Variants in KLHL42 observed in about 807,000 individuals in gnomAD.
The protein encoded by KLHL42 is kelch-like protein 42.
KLHL42 carries 27 observed loss-of-function variants against 32.7 expected under a neutral mutation model. That is an observed-to-expected ratio of 0.83 (90% confidence interval 0.61 to 1.14). The LOEUF is 1.14. Ranked by LOEUF, KLHL42 falls within the 50% of genes most tolerant of loss-of-function variation. The probability of loss-of-function intolerance (pLI) is 0.00; values close to 1 mark genes in which losing one functional copy is unlikely to be tolerated. For missense variants in KLHL42, 491 were observed against 560.8 expected (o/e 0.88, Z 1.26); for synonymous variants, 267 against 248.2 (o/e 1.08, Z -0.71).
chr12:27,782,985 C>A (rs1246284401), intron 1 of KLHL42, among the ~76,000 whole-genome samples: 1 of 151,956 alleles, frequency 6.6e-6, no homozygotes, highest in East Asian at 1.9e-4. Flanking sequence ...ACAGTTAACC[C>A]TTAAACAATG....
chr12:27,782,029 G>A (rs886873871), intron 1 of KLHL42, among the ~76,000 whole-genome samples: 1 of 152,190 alleles, frequency 6.6e-6, no homozygotes, highest in African/African-American at 2.4e-5. Context: ...GTAGCGCCTA[G>A]GAGGCCTCAG....
At chr12:27,784,368 C>T (rs1262024724) in intron 1 of KLHL42, among the ~76,000 whole-genome samples, 4 of 151,282 alleles carry the variant, frequency 2.6e-5, no homozygotes, top group African/African-American at 7.3e-5. Flanking sequence ...GTCTCGATCT[C>T]CTGACCTCGT....
At position 27,801,904 on chromosome 12, in the gene KLHL42, T is replaced by G. The variant is rs1223919515; in HGVS notation, c.*3738T>G. ...ACAGACATAAATAAGTCACGGCCCATGACCTTGAAGAGCTTACGGCCTTAT... is the reference window on the plus strand; with the variant it reads ...ACAGACATAAATAAGTCACGGCCCAGGACCTTGAAGAGCTTACGGCCTTAT... On this transcript the variant is annotated 3_prime_UTR_variant, in exon 3 of 3. Transcript: ENST00000381271. The G allele has an allele frequency of 6.6e-6, 1 of 152,032 alleles. No individual in the cohort carries two copies. The highest frequency in any genetic ancestry group is 1.5e-5 in the Non-Finnish European group (1 of 68,032). The allele number at this position is 152,032 out of a possible 1,614,324, so 9.4% of individuals were successfully genotyped here.
At chr12:27,787,270 G>A (rs550865156) in intron 1 of KLHL42, among the ~76,000 whole-genome samples, 2 of 151,852 alleles carry the variant, frequency 1.3e-5, no homozygotes, top group South Asian at 4.2e-4. Flanking sequence ...TGAGGCAGGC[G>A]GATCACCTGA....
At position 27,801,076 on chromosome 12, in the gene KLHL42, G is replaced by C. The variant is rs2062245277; in HGVS notation, c.*2910G>C. Reference sequence around the variant, plus strand: ...AAGGTTTTCTGATGAATGTGTGAAAGAGTTGATTATTTCAACAGTATTGGT... The same window carrying C: ...AAGGTTTTCTGATGAATGTGTGAAACAGTTGATTATTTCAACAGTATTGGT... On this transcript the variant is annotated 3_prime_UTR_variant, in exon 3 of 3. Transcript: ENST00000381271. 1 of 152,584 alleles carries C rather than the reference G, an allele frequency of 6.6e-6. No individual in the cohort carries two copies. The highest frequency in any genetic ancestry group is 1.5e-5 in the Non-Finnish European group (1 of 68,046). The allele number at this position is 152,584 out of a possible 1,614,324, so 9.5% of individuals were successfully genotyped here.
Position 27,780,925 on chromosome 12 carries a change from C to T in KLHL42, c.595C>T (p.Leu199Phe), listed in dbSNP as rs746975250. 6.2e-7 allele frequency: 1 copy of T among 1,605,766 alleles called. No individual in the cohort carries two copies. Among genetic ancestry groups the T allele is most frequent in the South Asian group, 1.1e-5 (1 of 90,834 alleles). Reference sequence around the variant, plus strand: ...GACTGGGACTCCTGTCCTCGTGGCCCTCGGGGACTTCCTGGGGGGACCCCT... The same window carrying T: ...GACTGGGACTCCTGTCCTCGTGGCCTTCGGGGACTTCCTGGGGGGACCCCT... ...RMTGTPVLVA[L>F]GDFLGGPLAP... Residue 199 changes from leucine to phenylalanine, a missense_variant, in exon 1 of 3, where the codon CTC becomes TTC. Physicochemically the swap from Leu to Phe is conservative, Grantham distance 22 (BLOSUM62 0). Transcript: ENST00000381271. The surrounding 1 kb of genome is among the most constrained non-coding windows in gnomAD (Gnocchi z 8.8).
intron 1 of KLHL42, 147 bp downstream of exon 1, chr12:27,781,349 G>T (rs904407772): frequency 3.0e-6 from 3 of 1,008,892 alleles, no homozygotes; most frequent in African/African-American, 3.3e-5. Flanking sequence ...CCTTGGCGCT[G>T]GCAAAATTCC....
At position 27,800,366 on chromosome 12, in the gene KLHL42, G is replaced by GTGTA; in HGVS notation, c.*2203_*2204insATGT. 1.0e-6 allele frequency: 1 copy of GTGTA among 984,670 alleles called. No homozygotes were observed. Among genetic ancestry groups the GTGTA allele is most frequent in the Non-Finnish European group, 1.2e-6 (1 of 829,874 alleles). 61.0% of individuals were successfully genotyped at this position (984,670 alleles called of 1,614,324 possible). A position where few individuals can be genotyped will look rare whatever the true frequency, so the allele number is the denominator to read the frequency against. ...TGTGTGTGGGGGTGTGTGTGTGTGT[G>GTGTA]TGTGTGTATGTTTGCATATTATAGC... is the stretch of plus-strand genomic sequence containing the variant. On this transcript the variant is annotated 3_prime_UTR_variant, in exon 3 of 3. Transcript: ENST00000381271.
At position 27,801,184 on chromosome 12, in the gene KLHL42, A is replaced by T. The variant is rs2062245788; in HGVS notation, c.*3018A>T. 1.3e-5 allele frequency: 2 copies of T among 150,948 alleles called. No individual in the cohort carries two copies. Among genetic ancestry groups the T allele is most frequent in the South Asian group, 4.2e-4 (2 of 4,796 alleles). 9.4% of individuals were successfully genotyped at this position (150,948 alleles called of 1,614,324 possible). On this transcript the variant is annotated 3_prime_UTR_variant, in exon 3 of 3. Transcript: ENST00000381271. ...AGTCTTAAGATTAGAATGAGAACCA[A>T]AGAGAATTTAACCCTGCCATTTTTT...
At chr12:27,784,482 T>C (rs1309855750) in intron 1 of KLHL42, among the ~76,000 whole-genome samples, 1 of 151,958 alleles carries the variant, frequency 6.6e-6, no homozygotes, top group Non-Finnish European at 1.5e-5. Context: ...GGTGCAATGG[T>C]TCACGCTTGT....
intron 1 of KLHL42, among the ~76,000 whole-genome samples, chr12:27,783,080 C>T (rs573734046): frequency 1.3e-5 from 2 of 152,246 alleles, no homozygotes; most frequent in South Asian, 4.1e-4. Flanking sequence ...ACTGAATAGC[C>T]TACTGTTTAC....
chr12:27,800,106 T>C lies in KLHL42; in HGVS notation c.*1940T>C. 1.0e-6 allele frequency: 1 copy of C among 984,924 alleles called. No homozygotes were observed. Among genetic ancestry groups the C allele is most frequent in the Non-Finnish European group, 1.2e-6 (1 of 829,440 alleles). 61.0% of individuals were successfully genotyped at this position (984,924 alleles called of 1,614,324 possible). On this transcript the variant is annotated 3_prime_UTR_variant, in exon 3 of 3. Coordinates refer to ENST00000381271, the MANE Select transcript of KLHL42 (RefSeq NM_020782.2). ...GAAGAGCTTAACTTTTTAAAGGCTT[T>C]GTCCTATACATTTAGAAGATGAGTC...
chr12:27,786,362 T>A (rs535234362), intron 1 of KLHL42, among the ~76,000 whole-genome samples: 1 of 152,336 alleles, frequency 6.6e-6, no homozygotes, highest in Admixed American at 6.5e-5. Context: ...TAGTCACTGT[T>A]GGATGTACAG....
chr12:27,798,343 AAG>A lies in KLHL42; in HGVS notation c.*181_*182del. On this transcript the variant is annotated 3_prime_UTR_variant, in exon 3 of 3. Transcript: ENST00000381271. ...TAATTACTTGAAAACTGGTGGAAAA[AAG>A]AGACCAACTTTGTTATTTTTTAAAT... The A allele has an allele frequency of 1.8e-6, 1 of 550,958 alleles. No individual in the cohort carries two copies. Among genetic ancestry groups the A allele is most frequent in the Non-Finnish European group, 3.2e-6 (1 of 312,934 alleles). The allele number at this position is 550,958 out of a possible 1,614,324, so 34.1% of individuals were successfully genotyped here. A position where few individuals can be genotyped will look rare whatever the true frequency, so the allele number is the denominator to read the frequency against.
In KLHL42 at chr12:27,798,607, A is replaced by G. The variant is rs559034526; in HGVS notation, c.*441A>G. ...ATCAGTGTCCTTGACAAGCATTCATATTAACATATTCATTCTCTCTTCTCC... is the reference window on the plus strand; with the variant it reads ...ATCAGTGTCCTTGACAAGCATTCATGTTAACATATTCATTCTCTCTTCTCC... On this transcript the variant is annotated 3_prime_UTR_variant, in exon 3 of 3. Coordinates refer to ENST00000381271, the MANE Select transcript of KLHL42 (RefSeq NM_020782.2). 4 of 167,536 alleles carry G rather than the reference A, an allele frequency of 2.4e-5. No individual in the cohort carries two copies. The highest frequency in any genetic ancestry group is 2.9e-4 in the South Asian group (2 of 6,910). The allele number at this position is 167,536 out of a possible 1,614,324, so 10.4% of individuals were successfully genotyped here.
At position 27,781,074 on chromosome 12, in the gene KLHL42, T is replaced by C. The variant is rs1432266586; in HGVS notation, c.744T>C (p.Ser248=). The C allele has an allele frequency of 1.9e-6, 3 of 1,614,018 alleles. No homozygotes were observed. In the African/African-American group the frequency reaches 4.0e-5, roughly 22 times the overall value. The change falls in exon 1 of 3, where the codon TCT becomes TCC. Residue 248 remains serine, a synonymous_variant. Coordinates refer to ENST00000381271, the MANE Select transcript of KLHL42 (RefSeq NM_020782.2). ...TGGTCAATGTCAGGGGCTATGGGTC[T>C]GCCATCCTGGACAACTACCTCTTCA... The part of the protein sequence containing the change: ...PDLVNVRGYG[S]AILDNYLFIV...
rs774224353 is a variant in KLHL42, at chr12:27,797,965, TCTTAA to T, written c.1321_1325del (p.Asn441AspfsTer6). 1.0e-5 allele frequency: 8 copies of T among 780,720 alleles called. No homozygotes were observed. Among genetic ancestry groups the T allele is most frequent in the East Asian group, 2.4e-5 (1 of 41,248 alleles). 48.4% of individuals were successfully genotyped at this position (780,720 alleles called of 1,614,324 possible). A position where few individuals can be genotyped will look rare whatever the true frequency, so the allele number is the denominator to read the frequency against. On this transcript the variant is annotated frameshift_variant, in exon 3 of 3. Transcript: ENST00000381271. LOFTEE classifies it high-confidence loss of function. ...TCAAGGAGAACACGTCCAAATCGGG[TCTTAA>T]CTTGACTTGTGCGCTCCATAACGAC... is the stretch of plus-strand genomic sequence containing the variant.
chr12:27,784,758 T>C (rs2062164505), intron 1 of KLHL42, among the ~76,000 whole-genome samples: 1 of 152,280 alleles, frequency 6.6e-6, no homozygotes, highest in African/African-American at 2.4e-5. Context: ...CTTGCCAAGA[T>C]AGAATATTAT....
At position 27,791,183 on chromosome 12, in the gene KLHL42, T is replaced by C. The variant is rs541393520; in HGVS notation, c.873-525T>C. 2.4e-3 allele frequency among the ~76,000 whole-genome samples: 368 copies of C among 152,350 alleles called. 4 individuals carry two copies. Among genetic ancestry groups the C allele is most frequent in the African/African-American group, 8.6e-3 (357 of 41,590 alleles). ...TTGGAGGCGGGAGGCAGGACCAGTGTCTTGCTCAGGTATACTCGTTGTGCA... is the reference window on the plus strand; with the variant it reads ...TTGGAGGCGGGAGGCAGGACCAGTGCCTTGCTCAGGTATACTCGTTGTGCA... On this transcript the variant is annotated intron_variant, in intron 1 of 2. Coordinates refer to ENST00000381271, the MANE Select transcript of KLHL42 (RefSeq NM_020782.2).
Sources: gnomAD v4.1 joint callset for allele counts (sites outside exome capture counted in the v4.1 genomes callset) on GRCh38, gnomAD v4.1.1 for gene constraint, Gnocchi (gnomAD v3.1) non-coding constraint, MANE v1.5 for transcripts, NCBI Gene and HGNC (gene_info 2026-07-23, HGNC 2026-07-21) for gene names.